ERCC3: variants seen among roughly 807,000 people sequenced by gnomAD.
The protein encoded by ERCC3 is general transcription and DNA repair factor IIH helicase/translocase subunit XPB.
Under a neutral mutation model 94.2 loss-of-function variants are expected in ERCC3, and 66 were observed. The ratio of observed to expected loss-of-function variants is 0.70; its 90% CI spans 0.57 to 0.86. ERCC3 has a LOEUF of 0.86. Among genes scored for constraint, ERCC3 ranks in the 40% least tolerant of loss-of-function variants. ERCC3 has a pLI of 0.00. For synonymous variants in ERCC3, 349 were observed against 369.1 expected (o/e 0.95, Z 0.63); for missense variants, 829 against 987.1 (o/e 0.84, Z 2.15).
At chr2:127,270,016 ATCTC>A (rs998824172) in intron 12 of ERCC3, among the ~76,000 whole-genome samples, 3 of 133,166 alleles carry the variant, frequency 2.3e-5, no homozygotes, top group Admixed American at 1.7e-4. Flanking sequence ...ATAAGACTCT[ATCTC>A]AATCAATCAA....
Position 127,259,865 on chromosome 2 carries a change from G to A in ERCC3, c.2065-417C>T, listed in dbSNP as rs772735472. The A allele has an allele frequency of 1.9e-4, 54 of 279,300 alleles. No homozygotes were observed. Among genetic ancestry groups the A allele is most frequent in the Non-Finnish European group, 3.4e-4 (49 of 143,222 alleles). 17.3% of individuals were successfully genotyped at this position (279,300 alleles called of 1,614,324 possible). A position where few individuals can be genotyped will look rare whatever the true frequency, so the allele number is the denominator to read the frequency against. The stretch of plus-strand genomic sequence containing the variant: ...AGGTCCCTGGCATCTGCTGTGCTCC[G>A]CAACTGGGGCTTCCAGCAGGAATGA... On this transcript the variant is annotated intron_variant, in intron 13 of 14. Coordinates refer to ENST00000285398, the MANE Select transcript of ERCC3 (RefSeq NM_000122.2). This position sits in a 1 kb window ranked among gnomAD's most constrained non-coding sequence, Gnocchi z 4.9.
At chr2:127,288,581 G>A (rs1042902441) in intron 7 of ERCC3, 79 bp downstream of exon 7, 2 of 1,207,360 alleles carry the variant, frequency 1.7e-6, no homozygotes, top group Admixed American at 1.7e-5. Flanking sequence ...TTAGGGAAAT[G>A]TGCAGAGAGA....
Position 127,289,719 on chromosome 2 carries a change from G to A in ERCC3, c.627C>T (p.Leu209=). 1 of 1,614,164 alleles carries A rather than the reference G, an allele frequency of 6.2e-7. No homozygotes were observed. The highest frequency in any genetic ancestry group is 8.5e-7 in the Non-Finnish European group (1 of 1,180,024). ...LRNSEGEATE[L]ITETFTSKSA... ...ATTTGCTTGTGAAAGTCTCTGTGAT[G>A]AGCTCAGTGGCCTCCCCTTCAGAGT... Residue 209 remains leucine (L), a synonymous_variant, in exon 5 of 15, where the codon CTC becomes CTT. Transcript: ENST00000285398.
chr2:127,286,775 C>T lies in ERCC3; in HGVS notation c.1270G>A (p.Glu424Lys), dbSNP rs200098409. The change falls in exon 8 of 15, where the codon GAG becomes AAG. Residue 424 changes from glutamate to lysine, a missense_variant. Transcript: ENST00000285398. ...GHTTKRSWEA[E>K]RVMEWLKTQE... ...GTCTTGAGCCACTCCATGACTCGCTCGGCCTCCCAGGACCTTTTGGTGGTG... is the reference window on the plus strand; with the variant it reads ...GTCTTGAGCCACTCCATGACTCGCTTGGCCTCCCAGGACCTTTTGGTGGTG... The T allele has an allele frequency of 3.0e-5, 48 of 1,614,136 alleles. No individual in the cohort carries two copies. The highest frequency in any genetic ancestry group is 1.6e-4 in the Middle Eastern group (1 of 6,062).
rs1558957648 is a variant in ERCC3 at position 127,280,664 on chromosome 2, C to T, written c.1343-33G>A. On this transcript the variant is annotated intron_variant, in intron 8 of 14. Coordinates refer to ENST00000285398, the MANE Select transcript of ERCC3 (RefSeq NM_000122.2). The surrounding 1 kb of genome is among the most constrained non-coding windows in gnomAD (Gnocchi z 6.3). ...AACAATGGGAGCATTCACACTGTCA[C>T]TTTTCTTTCTTATTTTTTATTTATT... 1.9e-6 allele frequency: 3 copies of T among 1,561,316 alleles called. No homozygotes were observed. The highest frequency in any genetic ancestry group is 2.7e-5 in the African/African-American group (2 of 73,724).
chr2:127,272,250 C>T (rs1397899347), intron 11 of ERCC3, among the ~76,000 whole-genome samples: 1 of 152,078 alleles, frequency 6.6e-6, no homozygotes. Context: ...GTCTCGAACT[C>T]CTGACCTCCG....
At position 127,293,737 on chromosome 2, in the gene ERCC3, GAAGT is replaced by G. The variant is rs1459994060; in HGVS notation, c.29-23_29-20del. Reference sequence around the variant, plus strand: ...TTCTTGTCTGCAAGATACCAACACAGAAGTAAGCCCAGCAGGAGCCTTCAGGGTT... The same window carrying G: ...TTCTTGTCTGCAAGATACCAACACAGAAGCCCAGCAGGAGCCTTCAGGGTT... On this transcript the variant is annotated intron_variant, in intron 1 of 14. Transcript: ENST00000285398. 12 of 1,608,896 alleles carry G rather than the reference GAAGT, an allele frequency of 7.5e-6. No individual in the cohort carries two copies. The Admixed American group carries it at 1.0e-4, about 13-fold the overall frequency.
rs551793937 is a variant in ERCC3, at chr2:127,264,704, T to C, written c.1946-3358A>G. On this transcript the variant is annotated intron_variant, in intron 12 of 14. Transcript: ENST00000285398. This position sits in a 1 kb window ranked among gnomAD's most constrained non-coding sequence, Gnocchi z 4.4. The stretch of plus-strand genomic sequence containing the variant: ...ATCAGGAATACTAGCCTGTAGTTTT[T>C]TCATCGTGTCTTTGCCAGATTTTGG... Among the ~76,000 whole-genome samples, 1 of 152,318 alleles carries C rather than the reference T, an allele frequency of 6.6e-6. No homozygotes were observed. Among genetic ancestry groups the C allele is most frequent in the East Asian group, 1.9e-4 (1 of 5,190 alleles).
At chr2:127,275,096 G>A (rs750597988) in intron 10 of ERCC3, among the ~76,000 whole-genome samples, 4 of 152,196 alleles carry the variant, frequency 2.6e-5, no homozygotes, top group Non-Finnish European at 5.9e-5. Flanking sequence ...AAGTGCTTTG[G>A]TGATACCAAT....
intron 12 of ERCC3, chr2:127,262,182 T>G (rs992531815): frequency 5.3e-5 from 8 of 152,304 alleles, no homozygotes; most frequent in Non-Finnish European, 8.8e-5. Context: ...TGCTACAATA[T>G]AGATAATCTT....
chr2:127,274,917 T>A lies in ERCC3; in HGVS notation c.1731-1956A>T, dbSNP rs1684686229. 6.6e-6 allele frequency among the ~76,000 whole-genome samples: 1 copy of A among 152,056 alleles called. No individual in the cohort carries two copies. Among genetic ancestry groups the A allele is most frequent in the African/African-American group, 2.4e-5 (1 of 41,402 alleles). ...AGGCACAAGAATCCACCCCCCACCA[T>A]CAAGGGACACCAGGACCCAGTACAC... On this transcript the variant is annotated intron_variant, in intron 10 of 14. Transcript: ENST00000285398. The surrounding 1 kb of genome is among the most constrained non-coding windows in gnomAD (Gnocchi z 4.0).
rs544439626 is a variant in ERCC3, at chr2:127,271,522, A to G, written c.1828-69T>C. ...AAAAGTCAACTGATCCAGAATTTAA[A>G]TAAGTTCTGTAGATAATTTTGAAAC... On this transcript the variant is annotated intron_variant, in intron 11 of 14. Transcript: ENST00000285398. This position sits in a 1 kb window ranked among gnomAD's most constrained non-coding sequence, Gnocchi z 5.0. The G allele has an allele frequency of 1.2e-5, 12 of 1,030,066 alleles. No homozygotes were observed. The highest frequency in any genetic ancestry group is 1.7e-5 in the Admixed American group (1 of 58,786). 63.8% of individuals were successfully genotyped at this position (1,030,066 alleles called of 1,614,324 possible). A position where few individuals can be genotyped will look rare whatever the true frequency, so the allele number is the denominator to read the frequency against.
chr2:127,261,055 C>T lies in ERCC3; in HGVS notation c.2064+173G>A. 3 of 655,756 alleles carry T rather than the reference C, an allele frequency of 4.6e-6. No homozygotes were observed. In the South Asian group the frequency reaches 5.0e-5, roughly 11 times the overall value. The allele number at this position is 655,756 out of a possible 1,614,324, so 40.6% of individuals were successfully genotyped here. A position where few individuals can be genotyped will look rare whatever the true frequency, so the allele number is the denominator to read the frequency against. ...AGTCCTGCCAGGACGGCACACTTTC[C>T]ACCAACAGCTGCCCTCAGAGATTCA... On this transcript the variant is annotated intron_variant, in intron 13 of 14. Coordinates refer to ENST00000285398, the MANE Select transcript of ERCC3 (RefSeq NM_000122.2).
intron 8 of ERCC3, chr2:127,281,001 A>C: frequency 2.2e-6 from 1 of 445,816 alleles, no homozygotes; most frequent in South Asian, 6.8e-5. Context: ...AAAGGAGAAC[A>C]AGAGGGTGAA....
Position 127,289,492 on chromosome 2 carries a change from T to C in ERCC3, c.667A>G (p.Thr223Ala), listed in dbSNP as rs780564758. 3 of 1,612,480 alleles carry C rather than the reference T, an allele frequency of 1.9e-6. No individual in the cohort carries two copies. Among genetic ancestry groups the C allele is most frequent in the Admixed American group, 3.3e-5 (2 of 60,018 alleles). Residue 223 changes from threonine (T) to alanine (A), a missense_variant, in exon 6 of 15, where the codon ACT becomes GCT. Transcript: ENST00000285398. ...TFTSKSAISK[T>A]AESSGGPSTS... ...GAGGGCCCACCACTGCTTTCAGCAG[T>C]CTTAGAAATCTGTGAGAGAGGTAGG... is the stretch of plus-strand genomic sequence containing the variant.
chr2:127,278,018 C>T (rs1684785372), intron 10 of ERCC3, among the ~76,000 whole-genome samples: 1 of 152,056 alleles, frequency 6.6e-6, no homozygotes, highest in South Asian at 2.1e-4. Context: ...GCAGGAGGAA[C>T]TGCTTGAGCT....
chr2:127,281,053 C>T, intron 8 of ERCC3: 1 of 429,054 alleles, frequency 2.3e-6, no homozygotes. Flanking sequence ...CCCAGCATTC[C>T]CCTCACAACA....
chr2:127,259,772 C>T lies in ERCC3; in HGVS notation c.2065-324G>A. On this transcript the variant is annotated intron_variant, in intron 13 of 14. Transcript: ENST00000285398. This position sits in a 1 kb window ranked among gnomAD's most constrained non-coding sequence, Gnocchi z 4.9. ...ATTTTAAAAGGCTCCTTCGGGTAGC[C>T]TTCACATCTTGGAGCAGACAAAGGA... 1 of 386,934 alleles carries T rather than the reference C, an allele frequency of 2.6e-6. No homozygotes were observed. Among genetic ancestry groups the T allele is most frequent in the African/African-American group, 2.1e-5 (1 of 48,142 alleles). The allele number at this position is 386,934 out of a possible 1,614,324, so 24.0% of individuals were successfully genotyped here. A position where few individuals can be genotyped will look rare whatever the true frequency, so the allele number is the denominator to read the frequency against.
chr2:127,290,422 C>T (rs112272587), intron 3 of ERCC3, 149 bp from the exon 4 acceptor site: 26,238 of 721,428 alleles, frequency 0.036, 613 homozygotes, highest in Non-Finnish European at 0.047. Context: ...GTCAGATGTG[C>T]CTAAACTGAG....
Sources: allele counts gnomAD v4.1 joint callset (sites outside exome capture counted in the v4.1 genomes callset), GRCh38; gene constraint gnomAD v4.1.1; non-coding constraint Gnocchi (gnomAD v3.1); transcripts MANE v1.5; gene names NCBI Gene and HGNC (gene_info 2026-07-23, HGNC 2026-07-21).